The following ALS2 variants were observed in gnomAD, a reference collection of about 807,000 sequenced individuals.
ALS2 encodes the protein alsin.
A neutral mutation model predicts 203.4 loss-of-function variants in ALS2; 117 were observed. That is an observed-to-expected ratio of 0.58 (90% CI 0.50 to 0.67). The LOEUF is 0.67. Ranked by LOEUF, ALS2 falls within the 30% of genes least tolerant of loss-of-function variation. The pLI is 0.00. For synonymous variants in ALS2, 718 were observed against 725.9 expected, an observed-to-expected ratio of 0.99 and a Z score of 0.17; for missense variants, 1,715 against 1,989.4, an observed-to-expected ratio of 0.86 and a Z score of 2.62.
At chr2:201,708,123 G>A (rs989709874) in intron 27 of ALS2, 132 bp from the exon 28 acceptor site, 2 of 767,578 alleles carry the variant, frequency 2.6e-6, no homozygotes, top group African/African-American at 1.8e-5. Context: ...TGAGAAAACT[G>A]ATGTTTCTAA....
intron 1 of ALS2, among the ~76,000 whole-genome samples, chr2:201,774,151 C>A (rs555158719): frequency 4.6e-5 from 7 of 152,066 alleles, no homozygotes; most frequent in African/African-American, 7.2e-5. Flanking sequence ...TTTTCTTTTG[C>A]TGGAGGTTGG....
rs1360048692 is a variant in ALS2 at position 201,724,442 on chromosome 2, A to G, written c.3365T>C (p.Val1122Ala). Residue 1122 changes from valine to alanine, a missense_variant, in exon 21 of 34, where the codon GTA becomes GCA. Val to Ala is a moderately conservative substitution (Grantham distance 64). This residue lies in a region of ALS2 where 1,227 missense variants were observed against 1,413.5 expected (regional missense o/e 0.87). Coordinates refer to ENST00000264276, the MANE Select transcript of ALS2 (RefSeq NM_020919.4). The stretch of plus-strand genomic sequence containing the variant: ...ATTATCTTGAAAACAGCCCTCAAAT[A>G]CTTCACCAGAAGCATAGCTGTGGTT... Reference protein sequence around the residue: ...QGVYSYASGEVFEGCFQDNMR... With the variant: ...QGVYSYASGEAFEGCFQDNMR... 4 of 1,614,040 alleles carry G rather than the reference A, an allele frequency of 2.5e-6. No individual in the cohort carries two copies. Among genetic ancestry groups the G allele is most frequent in the East Asian group, 4.5e-5 (2 of 44,850 alleles).
intron 25 of ALS2, among the ~76,000 whole-genome samples, chr2:201,712,208 A>G (rs2105975456): frequency 6.6e-6 from 1 of 152,350 alleles, no homozygotes; most frequent in East Asian, 1.9e-4. Flanking sequence ...GATAAACTCT[A>G]AACTAATCTC....
At chr2:201,710,807 T>C (rs1463083067) in intron 26 of ALS2, among the ~76,000 whole-genome samples, 184 bp downstream of exon 26, 4 of 152,220 alleles carry the variant, frequency 2.6e-5, no homozygotes, top group African/African-American at 9.6e-5. Flanking sequence ...AAAAGTTCTA[T>C]CATAATAATG....
chr2:201,769,473 A>G (rs1359815937), intron 1 of ALS2, among the ~76,000 whole-genome samples: 1 of 152,222 alleles, frequency 6.6e-6, no homozygotes, highest in African/African-American at 2.4e-5. Context: ...AAGAAGGAAC[A>G]TTTTCCCCAA....
chr2:201,754,778 T>C, intron 5 of ALS2, 107 bp from the exon 6 acceptor site: 1 of 1,243,710 alleles, frequency 8.0e-7, no homozygotes, highest in Non-Finnish European at 1.1e-6. Flanking sequence ...ACCAATGGTA[T>C]TTTTGAAGCA....
intron 28 of ALS2, 118 bp downstream of exon 28, chr2:201,707,751 T>C (rs1025841697): frequency 1.4e-6 from 2 of 1,393,848 alleles, no homozygotes; most frequent in East Asian, 2.6e-5. Flanking sequence ...GCCCCAACCA[T>C]ATCATTTTAG....
intron 33 of ALS2, among the ~76,000 whole-genome samples, chr2:201,702,523 A>C (rs1689455892): frequency 6.6e-6 from 1 of 152,196 alleles, no homozygotes; most frequent in Admixed American, 6.5e-5. Context: ...CAAAAGGGTA[A>C]TGGCTACTTA....
rs751794543 is a variant in ALS2, at chr2:201,757,470, A to G, written c.1403T>C (p.Val468Ala). The G allele has an allele frequency of 6.6e-5, 107 of 1,613,940 alleles. No individual in the cohort carries two copies. The highest frequency in any genetic ancestry group is 8.9e-5 in the Non-Finnish European group (105 of 1,179,998). Residue 468 changes from valine to alanine, a missense_variant, in exon 5 of 34, where the codon GTG becomes GCG. Coordinates refer to ENST00000264276, the MANE Select transcript of ALS2 (RefSeq NM_020919.4). ...CTCTGTTTCTTCTTCTCTGATATCCACAAGACTTGAACTTTTCTTTCCTTG... is the reference window on the plus strand; with the variant it reads ...CTCTGTTTCTTCTTCTCTGATATCCGCAAGACTTGAACTTTTCTTTCCTTG... ...SMQGKKSSSLVDIREEETEGG... is the reference protein window; with the variant it reads ...SMQGKKSSSLADIREEETEGG...
At chr2:201,708,099 G>GTTGA in intron 27 of ALS2, 108 bp from the exon 28 acceptor site, 2 of 1,009,936 alleles carry the variant, frequency 2.0e-6, no homozygotes, top group Non-Finnish European at 3.0e-6. Context: ...TATCAACTAA[G>GTTGA]TATTTTAGTT....
intron 23 of ALS2, among the ~76,000 whole-genome samples, chr2:201,721,821 G>A (rs1310762852): frequency 6.6e-6 from 1 of 151,972 alleles, no homozygotes; most frequent in African/African-American, 2.4e-5. Context: ...CCGCCACCAC[G>A]CCTGGCTAAT....
At chr2:201,760,288 G>T in intron 4 of ALS2, 5 of 951,460 alleles carry the variant, frequency 5.3e-6, no homozygotes, top group Non-Finnish European at 5.0e-6. Flanking sequence ...TCCAGCCTGG[G>T]TGACAGAGCA....
At chr2:201,722,694 T>C (rs1690884203) in intron 23 of ALS2, 2 of 225,956 alleles carry the variant, frequency 8.9e-6, no homozygotes, top group South Asian at 1.7e-4. Flanking sequence ...ACAAAAACAT[T>C]ATACTAAGTG....
At chr2:201,757,244 AC>A (rs377319332) in intron 5 of ALS2, among the ~76,000 whole-genome samples, 157 bp downstream of exon 5, 12 of 152,246 alleles carry the variant, frequency 7.9e-5, no homozygotes, top group African/African-American at 2.9e-4. Context: ...AAGCAGATAA[AC>A]ATGTAACTTT....
chr2:201,716,117 T>A (rs779206030), intron 24 of ALS2, among the ~76,000 whole-genome samples: 1 of 152,162 alleles, frequency 6.6e-6, no homozygotes, highest in African/African-American at 2.4e-5. Flanking sequence ...TTTTAAAAAA[T>A]TGATTCCTGG....
At chr2:201,730,632 T>TA (rs1028735012) in intron 13 of ALS2, among the ~76,000 whole-genome samples, 84 of 146,848 alleles carry the variant, frequency 5.7e-4, no homozygotes, top group African/African-American at 1.5e-3. Context: ...CTTTCAAGTT[T>TA]AAAAAAAAAA....
intron 3 of ALS2, among the ~76,000 whole-genome samples, chr2:201,762,484 T>C (rs1442205892): frequency 6.6e-6 from 1 of 152,208 alleles, no homozygotes; most frequent in Non-Finnish European, 1.5e-5. Context: ...GTTTTGGATT[T>C]CAGGTCCAGG....
At chr2:201,749,235 C>T (rs539255288) in intron 8 of ALS2, among the ~76,000 whole-genome samples, 1 of 150,760 alleles carries the variant, frequency 6.6e-6, no homozygotes, top group African/African-American at 2.4e-5. Context: ...AAAAAAAATT[C>T]ACCTCTACTT....
chr2:201,731,769 T>C (rs1304823067), intron 13 of ALS2, among the ~76,000 whole-genome samples: 7 of 152,274 alleles, frequency 4.6e-5, no homozygotes, highest in African/African-American at 1.2e-4. Context: ...ATAAGGGCCA[T>C]TGATATAACA....
Sources: allele counts gnomAD v4.1 joint callset (sites outside exome capture counted in the v4.1 genomes callset), GRCh38; gene constraint gnomAD v4.1.1; regional missense constraint gnomAD v4.1.1; transcripts MANE v1.5; gene names NCBI Gene and HGNC (gene_info 2026-07-23, HGNC 2026-07-21).